The following SLC44A1 variants were observed in gnomAD, a reference collection of about 807,000 sequenced individuals.
SLC44A1 encodes solute carrier family 44 member 1.
Under a neutral mutation model 79.3 loss-of-function variants are expected in SLC44A1, and 26 were observed. The ratio of observed to expected loss-of-function variants is 0.33; its 90% CI spans 0.24 to 0.46. The LOEUF (loss-of-function observed/expected upper bound fraction) is 0.46, where lower values mean the gene tolerates loss of function less well. SLC44A1 is among the 20% of genes least tolerant of loss of function. The pLI is 1.00. For synonymous variants in SLC44A1, 263 were observed against 286.2 expected, an observed-to-expected ratio of 0.92 and a Z score of 0.82; for missense variants, 688 against 798.1, an observed-to-expected ratio of 0.86 and a Z score of 1.66.
At chr9:105,275,625 A>T (rs796376897) in intron 1 of SLC44A1, among the ~76,000 whole-genome samples, 1 of 152,216 alleles carries the variant, frequency 6.6e-6, no homozygotes, top group African/African-American at 2.4e-5. Flanking sequence ...GATTCTGTTG[A>T]GTTTGAGGAT....
At chr9:105,257,228 C>G (rs1829731685) in intron 1 of SLC44A1, among the ~76,000 whole-genome samples, 1 of 152,164 alleles carries the variant, frequency 6.6e-6, no homozygotes, top group East Asian at 1.9e-4. Flanking sequence ...TCCCAAGTAG[C>G]TGCGATTACA....
At chr9:105,274,367 G>A (rs532051795) in intron 1 of SLC44A1, among the ~76,000 whole-genome samples, 1 of 152,230 alleles carries the variant, frequency 6.6e-6, no homozygotes, top group South Asian at 2.1e-4. Context: ...TGGCCTTTTT[G>A]AATGAGCGTC....
rs375900206 is a variant in SLC44A1, at chr9:105,265,015, C to T, written c.36+20111C>T. The stretch of plus-strand genomic sequence containing the variant: ...TTCTCCATGTTGGTCAGGCTGGTCT[C>T]GAACTCCTGACCTCAGACAATCTGC... On this transcript the variant is annotated intron_variant, in intron 1 of 15. Coordinates refer to ENST00000374720, the MANE Select transcript of SLC44A1 (RefSeq NM_080546.5). Among the ~76,000 whole-genome samples the T allele has an allele frequency of 1.4e-4, 21 of 152,198 alleles. No individual in the cohort carries two copies. In the East Asian group the frequency reaches 2.1e-3, roughly 15 times the overall value.
At chr9:105,317,435 G>A (rs1188039320) in intron 3 of SLC44A1, among the ~76,000 whole-genome samples, 1 of 152,064 alleles carries the variant, frequency 6.6e-6, no homozygotes, top group Non-Finnish European at 1.5e-5. Context: ...ATATTTTGGG[G>A]GTTCAAGGCA....
intron 3 of SLC44A1, among the ~76,000 whole-genome samples, chr9:105,313,914 C>A (rs112461270): frequency 2.0e-5 from 3 of 151,904 alleles, no homozygotes; most frequent in Admixed American, 2.0e-4. Flanking sequence ...CATGCACCAC[C>A]GTGCCTGGCT....
intron 3 of SLC44A1, among the ~76,000 whole-genome samples, chr9:105,316,112 T>C (rs550061913): frequency 1.3e-5 from 2 of 152,340 alleles, no homozygotes; most frequent in South Asian, 4.1e-4. Flanking sequence ...GAGATTATAG[T>C]CTTGAGCAAA....
downstream of SLC44A1, among the ~76,000 whole-genome samples, chr9:105,399,179 T>G (rs1828924023): frequency 6.6e-6 from 1 of 152,238 alleles, no homozygotes; most frequent in African/African-American, 2.4e-5. Context: ...CAGATTCACC[T>G]AGGTTAAATT....
At chr9:105,343,789 A>G (rs1314999984) in intron 4 of SLC44A1, among the ~76,000 whole-genome samples, 3 of 152,232 alleles carry the variant, frequency 2.0e-5, no homozygotes, top group Non-Finnish European at 4.4e-5. Flanking sequence ...TTTGCAGTAT[A>G]GTTGAGTCAG....
Position 105,391,334 on chromosome 9 carries a change from T to C in SLC44A1, c.*2278T>C. ...TAATCAGAAAGAAATTTTGTATTTT[T>C]GTATAACTTGATTGTGTGCCATTTT... On this transcript the variant is annotated 3_prime_UTR_variant, in exon 16 of 16. Transcript: ENST00000374720. 1.0e-6 allele frequency: 1 copy of C among 985,552 alleles called. No homozygotes were observed. The highest frequency in any genetic ancestry group is 1.7e-5 in the African/African-American group (1 of 57,376). 61.1% of individuals were successfully genotyped at this position (985,552 alleles called of 1,614,324 possible).
At chr9:105,336,542 T>C (rs1564444846) in intron 4 of SLC44A1, among the ~76,000 whole-genome samples, 1 of 152,104 alleles carries the variant, frequency 6.6e-6, no homozygotes, top group East Asian at 1.9e-4. Context: ...TTCCTTGAGG[T>C]TTCATGCTTG....
chr9:105,393,420 TAC>T lies in SLC44A1; in HGVS notation c.*4366_*4367del. 1 of 985,266 alleles carries T rather than the reference TAC, an allele frequency of 1.0e-6. No homozygotes were observed. Among genetic ancestry groups the T allele is most frequent in the Non-Finnish European group, 1.2e-6 (1 of 829,740 alleles). The allele number at this position is 985,266 out of a possible 1,614,324, so 61.0% of individuals were successfully genotyped here. A position where few individuals can be genotyped will look rare whatever the true frequency, so the allele number is the denominator to read the frequency against. On this transcript the variant is annotated 3_prime_UTR_variant, in exon 16 of 16. Coordinates refer to ENST00000374720, the MANE Select transcript of SLC44A1 (RefSeq NM_080546.5). The stretch of plus-strand genomic sequence containing the variant: ...AACAAAACAAAAATTACACGTCGTG[TAC>T]AGTTATGAATTTAGAATAGCACACT...
In SLC44A1 at chr9:105,366,408, G is replaced by A. The variant is rs760330805; in HGVS notation, c.1473G>A (p.Lys491=). 3 of 1,521,948 alleles carry A rather than the reference G, an allele frequency of 2.0e-6. No individual in the cohort carries two copies. Among genetic ancestry groups the A allele is most frequent in the Middle Eastern group, 1.7e-4 (1 of 5,794 alleles). The allele number at this position is 1,521,948 out of a possible 1,614,324, so 94.3% of individuals were successfully genotyped here. A position where few individuals can be genotyped will look rare whatever the true frequency, so the allele number is the denominator to read the frequency against. Residue 491 remains lysine (K), a synonymous_variant, in exon 12 of 16, where the codon AAG becomes AAA. Transcript: ENST00000374720. ...SCICCLWCLE[K]CLNYLNQNAY... ...TTTGTTGCCTTTGGTGTCTTGAAAA[G>A]TGCCTAAATTATTTAAATCAGGTAA...
At chr9:105,344,521 A>G (rs1269716390) in intron 4 of SLC44A1, among the ~76,000 whole-genome samples, 1 of 152,226 alleles carries the variant, frequency 6.6e-6, no homozygotes, top group African/African-American at 2.4e-5. Context: ...AAATGTCGTA[A>G]TACCAAGATT....
intron 1 of SLC44A1, among the ~76,000 whole-genome samples, chr9:105,277,513 TG>T (rs1453717048): frequency 1.3e-5 from 2 of 152,184 alleles, no homozygotes; most frequent in Non-Finnish European, 2.9e-5. Flanking sequence ...CAAGATCCAG[TG>T]GTTCTATGGG....
At chr9:105,414,884 C>G (rs1004989384) in intron 15 of SLC44A1, among the ~76,000 whole-genome samples, 14 of 152,102 alleles carry the variant, frequency 9.2e-5, no homozygotes, top group Admixed American at 4.6e-4. Context: ...ATAAACTAAC[C>G]ATTAGGGATC....
At chr9:105,261,181 AT>A (rs545852776) in intron 1 of SLC44A1, among the ~76,000 whole-genome samples, 1 of 152,324 alleles carries the variant, frequency 6.6e-6, no homozygotes, top group Non-Finnish European at 1.5e-5. Context: ...ATACATTAAT[AT>A]TAACCAATCA....
At chr9:105,301,603 A>G (rs1009242831) in intron 2 of SLC44A1, among the ~76,000 whole-genome samples, 1 of 152,230 alleles carries the variant, frequency 6.6e-6, no homozygotes, top group African/African-American at 2.4e-5. Flanking sequence ...CTTTTAAAAT[A>G]AACATTTAAC....
intron 1 of SLC44A1, among the ~76,000 whole-genome samples, chr9:105,252,540 A>G (rs994395398): frequency 6.6e-6 from 1 of 152,192 alleles, no homozygotes; most frequent in African/African-American, 2.4e-5. Flanking sequence ...CATGTCACGT[A>G]TGGAGCAAGT....
chr9:105,350,538 C>A (rs1827374047), intron 5 of SLC44A1, among the ~76,000 whole-genome samples: 1 of 152,074 alleles, frequency 6.6e-6, no homozygotes, highest in East Asian at 1.9e-4. Flanking sequence ...CAGGCAAGTA[C>A]CCCTCAGCAT....
Sources: allele counts gnomAD v4.1 joint callset (sites outside exome capture counted in the v4.1 genomes callset), GRCh38; gene constraint gnomAD v4.1.1; transcripts MANE v1.5; gene names NCBI Gene and HGNC (gene_info 2026-07-23, HGNC 2026-07-21).